The following ABAT variants were observed in gnomAD, a reference collection of about 807,000 sequenced individuals.
ABAT encodes 4-aminobutyrate aminotransferase.
In ABAT, 45 loss-of-function variants were observed where a neutral mutation model predicts 64.6. The ratio of observed to expected loss-of-function variants is 0.70; its 90% confidence interval spans 0.55 to 0.89. The LOEUF (loss-of-function observed/expected upper bound fraction) is 0.89. Ranked by LOEUF, ABAT falls within the 40% of genes least tolerant of loss-of-function variation. ABAT has a pLI of 0.00. For synonymous variants in ABAT, 297 were observed against 250.5 expected, an observed-to-expected ratio of 1.19 and a Z score of -1.75; for missense variants, 633 against 658.4, an observed-to-expected ratio of 0.96 and a Z score of 0.42.
chr16:8,704,938 G>A (rs1333399852), intron 1 of ABAT, among the ~76,000 whole-genome samples: 2 of 152,032 alleles, frequency 1.3e-5, no homozygotes, highest in Non-Finnish European at 2.9e-5. Flanking sequence ...CTCCCACCTC[G>A]GCCTCCCAAA....
At chr16:8,717,997 A>C (rs1470165113) in intron 1 of ABAT, among the ~76,000 whole-genome samples, 2 of 152,114 alleles carry the variant, frequency 1.3e-5, no homozygotes, top group Non-Finnish European at 2.9e-5. Context: ...CTGTGCAAGG[A>C]AACAGAACAG....
intron 1 of ABAT, among the ~76,000 whole-genome samples, chr16:8,690,558 T>C (rs1186027996): frequency 6.6e-6 from 1 of 152,198 alleles, no homozygotes; most frequent in Admixed American, 6.5e-5. Context: ...AATGACAACA[T>C]TTCTGGGGAG....
chr16:8,682,911 G>A (rs1177338157), intron 1 of ABAT, among the ~76,000 whole-genome samples: 1 of 152,148 alleles, frequency 6.6e-6, no homozygotes, highest in Non-Finnish European at 1.5e-5. Context: ...GGGGTGATTT[G>A]TGTGCACTTT....
intron 1 of ABAT, among the ~76,000 whole-genome samples, chr16:8,701,251 C>T (rs1193933315): frequency 6.6e-6 from 1 of 152,228 alleles, no homozygotes; most frequent in Non-Finnish European, 1.5e-5. Context: ...AATTCTTTAA[C>T]AACAGCAGTA....
chr16:8,780,368 T>C (rs144903529), intron 15 of ABAT: 301 of 154,508 alleles, frequency 1.9e-3, no homozygotes, highest in Non-Finnish European at 3.2e-3. Flanking sequence ...GTCAGGCACA[T>C]TGTCAGTTCT....
At chr16:8,748,246 T>A in intron 4 of ABAT, 109 bp downstream of exon 4, 1 of 1,072,934 alleles carries the variant, frequency 9.3e-7, no homozygotes, top group Non-Finnish European at 1.4e-6. Flanking sequence ...TGTAGTTGAC[T>A]TTTGTTCTAA....
chr16:8,706,997 T>A (rs1378898850), intron 1 of ABAT, among the ~76,000 whole-genome samples: 1 of 151,622 alleles, frequency 6.6e-6, no homozygotes, highest in Non-Finnish European at 1.5e-5. Context: ...GTGGAATGGG[T>A]GGGGTGGCAT....
chr16:8,683,551 T>TAG (rs1555483146), intron 1 of ABAT: 1 of 135,892 alleles, frequency 7.4e-6, no homozygotes, highest in Non-Finnish European at 1.6e-5. Context: ...ACCCTGTTTC[T>TAG]AAAAAAAAAA....
chr16:8,777,192 C>T (rs561867069), intron 14 of ABAT, among the ~76,000 whole-genome samples: 2 of 152,302 alleles, frequency 1.3e-5, no homozygotes, highest in Admixed American at 6.5e-5. Flanking sequence ...CATGGGCCAC[C>T]GTGCCCGGCC....
intron 2 of ABAT, among the ~76,000 whole-genome samples, chr16:8,745,097 C>G (rs2142599151): frequency 6.6e-6 from 1 of 152,236 alleles, no homozygotes; most frequent in African/African-American, 2.4e-5. Flanking sequence ...ATCCTCCCAC[C>G]TCAGCCTCCC....
intron 1 of ABAT, among the ~76,000 whole-genome samples, chr16:8,704,268 C>T (rs768087021): frequency 5.3e-5 from 8 of 152,330 alleles, no homozygotes; most frequent in Admixed American, 3.3e-4. Flanking sequence ...GGAAACCAAA[C>T]GGAACACAGA....
At chr16:8,773,105 TACACACAC>T (rs35248639) in intron 12 of ABAT, among the ~76,000 whole-genome samples, 188 bp downstream of exon 12, 2,441 of 108,992 alleles carry the variant, frequency 0.022, 45 homozygotes, top group African/African-American at 0.043. Flanking sequence ...CCTAAAACTA[TACACACAC>T]ACACACACAC....
Position 8,781,440 on chromosome 16 carries a change from T to C in ABAT, c.*10T>C, listed in dbSNP as rs1323016944. The C allele has an allele frequency of 5.6e-6, 9 of 1,614,038 alleles. No individual in the cohort carries two copies. The highest frequency in any genetic ancestry group is 7.6e-6 in the Non-Finnish European group (9 of 1,180,044). ...AGCAGACTTCAAGTAAAGAAGCCAT[T>C]TCCACTACAGTGAGAAAGCCCGGAT... On this transcript the variant is annotated 3_prime_UTR_variant, in exon 16 of 16. Coordinates refer to ENST00000268251, the MANE Select transcript of ABAT (RefSeq NM_020686.6). The surrounding 1 kb of genome is among the most constrained non-coding windows in gnomAD (Gnocchi z 4.5).
chr16:8,684,994 A>T (rs528085922), intron 1 of ABAT, among the ~76,000 whole-genome samples: 1 of 152,240 alleles, frequency 6.6e-6, no homozygotes, highest in South Asian at 2.1e-4. Context: ...GTTTGAAAAT[A>T]ATGAACAAGG....
At chr16:8,779,062 G>T (rs2143001084) in intron 14 of ABAT, among the ~76,000 whole-genome samples, 1 of 152,300 alleles carries the variant, frequency 6.6e-6, no homozygotes, top group South Asian at 2.1e-4. Flanking sequence ...CATCTGTGGA[G>T]CATCCACCAA....
intron 3 of ABAT, among the ~76,000 whole-genome samples, chr16:8,747,651 C>T (rs770428398): frequency 6.6e-6 from 1 of 151,868 alleles, no homozygotes. Flanking sequence ...TTTCTAATTC[C>T]CTGTTTCTGT....
At chr16:8,757,306 T>C (rs565258962) in intron 5 of ABAT, 1 of 382,170 alleles carries the variant, frequency 2.6e-6, no homozygotes. Flanking sequence ...TACCTGGGAT[T>C]ACAGGCACGT....
At chr16:8,761,427 G>A (rs1018812444) in intron 6 of ABAT, among the ~76,000 whole-genome samples, 3 of 152,194 alleles carry the variant, frequency 2.0e-5, no homozygotes, top group African/African-American at 4.8e-5. Flanking sequence ...GCCCTTGGAG[G>A]GCTGCCTCCC....
chr16:8,740,949 G>A (rs2059146496), intron 2 of ABAT, among the ~76,000 whole-genome samples: 1 of 152,204 alleles, frequency 6.6e-6, no homozygotes, highest in Non-Finnish European at 1.5e-5. Flanking sequence ...CTTCGTTCTG[G>A]CCAGGCTCAT....
Sources: gnomAD v4.1 joint callset for allele counts (sites outside exome capture counted in the v4.1 genomes callset) on GRCh38, gnomAD v4.1.1 for gene constraint, Gnocchi (gnomAD v3.1) non-coding constraint, MANE v1.5 for transcripts, NCBI Gene and HGNC (gene_info 2026-07-23, HGNC 2026-07-21) for gene names.